PTBP3: variants seen among roughly 807,000 people sequenced by gnomAD.
The protein encoded by PTBP3 is polypyrimidine tract-binding protein 3.
PTBP3 carries 20 observed loss-of-function variants against 58.7 expected under a neutral mutation model. The ratio of observed to expected loss-of-function variants is 0.34; its 90% CI spans 0.24 to 0.50. The LOEUF is 0.50. PTBP3 is among the 20% of genes least tolerant of loss of function. The pLI, the probability that PTBP3 is intolerant of heterozygous loss-of-function variation, is 0.98. For missense variants in PTBP3, 509 were observed against 637.2 expected (o/e 0.80, Z 2.17); for synonymous variants, 185 against 219.8 (o/e 0.84, Z 1.40).
chr9:112,226,873 G>T (rs1224284997), intron 12 of PTBP3, among the ~76,000 whole-genome samples: 2 of 152,170 alleles, frequency 1.3e-5, no homozygotes, highest in East Asian at 3.8e-4. Flanking sequence ...TAGGCTACAG[G>T]TTGTCAATCC....
chr9:112,246,922 C>T (rs1343001383), intron 7 of PTBP3, among the ~76,000 whole-genome samples: 3 of 152,082 alleles, frequency 2.0e-5, no homozygotes, highest in Non-Finnish European at 4.4e-5. Context: ...ATTATTTCTG[C>T]AGTATTTCTG....
chr9:112,363,430 G>C, the PTBP3 span, among the ~76,000 whole-genome samples: 1 of 151,426 alleles, frequency 6.6e-6, no homozygotes, highest in African/African-American at 2.4e-5. Context: ...GAAGTGGGCC[G>C]ACTGCATGAG....
At chr9:112,298,165 G>T (rs781450338) in intron 1 of PTBP3, among the ~76,000 whole-genome samples, 1 of 152,102 alleles carries the variant, frequency 6.6e-6, no homozygotes, top group Non-Finnish European at 1.5e-5. Flanking sequence ...CTAACCAAAC[G>T]CAGGTTTCCA....
the PTBP3 span, among the ~76,000 whole-genome samples, chr9:112,361,542 C>T: frequency 2.7e-5 from 2 of 75,284 alleles, no homozygotes; most frequent in African/African-American, 5.5e-5. Flanking sequence ...TTCATTAAGA[C>T]ATTTAAATTT....
At chr9:112,306,946 T>C (rs1829246485) in intron 1 of PTBP3, among the ~76,000 whole-genome samples, 1 of 152,154 alleles carries the variant, frequency 6.6e-6, no homozygotes, top group Non-Finnish European at 1.5e-5. Flanking sequence ...ATAAACTCTA[T>C]TTATAAGGAC....
chr9:112,377,390 C>T, the PTBP3 span, among the ~76,000 whole-genome samples: 4 of 152,134 alleles, frequency 2.6e-5, no homozygotes, highest in Non-Finnish European at 5.9e-5. Context: ...ACTAGACTGT[C>T]TTAGTATTTG....
chr9:112,348,182 T>A, the PTBP3 span, among the ~76,000 whole-genome samples: 1 of 152,200 alleles, frequency 6.6e-6, no homozygotes, highest in Non-Finnish European at 1.5e-5. Flanking sequence ...TAGGCAGGCA[T>A]GAGCAGGGCA....
chr9:112,279,247 A>T (rs1827754974), intron 2 of PTBP3, among the ~76,000 whole-genome samples: 2 of 152,228 alleles, frequency 1.3e-5, no homozygotes, highest in Admixed American at 1.3e-4. Context: ...ACAAAAGGAC[A>T]GTTTTCAAAA....
intron 4 of PTBP3, among the ~76,000 whole-genome samples, chr9:112,267,329 C>T (rs1003878779): frequency 6.6e-6 from 1 of 152,112 alleles, no homozygotes; most frequent in African/African-American, 2.4e-5. Context: ...CCACGCCCGG[C>T]TAATTTTTTT....
chr9:112,308,545 A>T (rs1239380889), intron 1 of PTBP3, among the ~76,000 whole-genome samples: 1 of 152,086 alleles, frequency 6.6e-6, no homozygotes, highest in African/African-American at 2.4e-5. Flanking sequence ...TGCTATGATA[A>T]CAGATTACGG....
At chr9:112,295,245 GA>G (rs200186001) in intron 2 of PTBP3, among the ~76,000 whole-genome samples, 37,192 of 118,614 alleles carry the variant, frequency 0.31, 5,132 homozygotes, top group South Asian at 0.44. Flanking sequence ...AGTCTCAAAA[GA>G]AAAAAAAAAA....
At position 112,219,116 on chromosome 9, in the gene PTBP3, GC is replaced by G. The variant is rs1187353657; in HGVS notation, c.*4734del. ...GCACTGGTTCTTCTTTCAGAAAGGA[GC>G]TTGGGGAAAATGCAAAATGCTTTAC... On this transcript the variant is annotated 3_prime_UTR_variant, in exon 14 of 14. Coordinates refer to ENST00000374257, the MANE Select transcript of PTBP3 (RefSeq NM_001163788.4). 1.3e-5 allele frequency: 2 copies of G among 152,626 alleles called. No homozygotes were observed. Among genetic ancestry groups the G allele is most frequent in the African/African-American group, 4.8e-5 (2 of 41,444 alleles). 9.5% of individuals were successfully genotyped at this position (152,626 alleles called of 1,614,324 possible). A position where few individuals can be genotyped will look rare whatever the true frequency, so the allele number is the denominator to read the frequency against.
chr9:112,333,772 C>T (rs959200403), upstream of PTBP3: 9 of 283,462 alleles, frequency 3.2e-5, no homozygotes, highest in African/African-American at 1.8e-4. Flanking sequence ...CACCCTCGCC[C>T]CGCTGGCAGC....
Position 112,221,670 on chromosome 9 carries a change from T to G in PTBP3, c.*2181A>C. ...ACAAAAAACTAAAAACTCCCACAAC[T>G]ACATACATGAGTATATCTATCTATT... On this transcript the variant is annotated 3_prime_UTR_variant, in exon 14 of 14. Coordinates refer to ENST00000374257, the MANE Select transcript of PTBP3 (RefSeq NM_001163788.4). The G allele has an allele frequency of 1.0e-6, 1 of 985,306 alleles. No individual in the cohort carries two copies. Among genetic ancestry groups the G allele is most frequent in the Non-Finnish European group, 1.2e-6 (1 of 829,816 alleles). 61.0% of individuals were successfully genotyped at this position (985,306 alleles called of 1,614,324 possible).
At chr9:112,242,093 A>G (rs1474865423) in intron 7 of PTBP3, among the ~76,000 whole-genome samples, 1 of 152,170 alleles carries the variant, frequency 6.6e-6, no homozygotes, top group Non-Finnish European at 1.5e-5. Flanking sequence ...TTTGTGTTTA[A>G]TTAACACCTA....
At chr9:112,269,900 C>T (rs1438958113) in intron 3 of PTBP3, among the ~76,000 whole-genome samples, 1 of 151,778 alleles carries the variant, frequency 6.6e-6, no homozygotes, top group East Asian at 1.9e-4. Context: ...AAACCAAGAA[C>T]CACATAAAAC....
chr9:112,323,837 C>T (rs1296291497), intron 1 of PTBP3, among the ~76,000 whole-genome samples: 1 of 152,086 alleles, frequency 6.6e-6, no homozygotes, highest in African/African-American at 2.4e-5. Context: ...AGAGAGAGTA[C>T]AGGGCAGAAG....
chr9:112,243,364 A>G (rs1835738913), intron 7 of PTBP3, among the ~76,000 whole-genome samples: 1 of 152,118 alleles, frequency 6.6e-6, no homozygotes. Context: ...AACACGGTGA[A>G]ACCCCATCTC....
chr9:112,221,377 C>A lies in PTBP3; in HGVS notation c.*2474G>T. Reference sequence around the variant, plus strand: ...AAGGCCATTCCCTACTTCAAAGTTACATTCAACACCACTATGATCCCCTTC... The same window carrying A: ...AAGGCCATTCCCTACTTCAAAGTTAAATTCAACACCACTATGATCCCCTTC... On this transcript the variant is annotated 3_prime_UTR_variant, in exon 14 of 14. Transcript: ENST00000374257. The A allele has an allele frequency of 2.0e-6, 2 of 985,832 alleles. No individual in the cohort carries two copies. Among genetic ancestry groups the A allele is most frequent in the Non-Finnish European group, 2.4e-6 (2 of 829,932 alleles). The allele number at this position is 985,832 out of a possible 1,614,324, so 61.1% of individuals were successfully genotyped here.
Sources: gnomAD v4.1 joint callset for allele counts (sites outside exome capture counted in the v4.1 genomes callset) on GRCh38, gnomAD v4.1.1 for gene constraint, MANE v1.5 for transcripts, NCBI Gene and HGNC (gene_info 2026-07-23, HGNC 2026-07-21) for gene names.